ACACB: variants seen among roughly 807,000 people sequenced by gnomAD.
ACACB encodes acetyl-CoA carboxylase 2.
A neutral mutation model predicts 278.8 loss-of-function variants in ACACB; 209 were observed. The observed-to-expected ratio is 0.75, with a 90% CI of 0.67 to 0.84. The LOEUF (loss-of-function observed/expected upper bound fraction) is 0.84, where lower values mean the gene tolerates loss of function less well. ACACB is among the 40% of genes least tolerant of loss of function. The pLI, the probability that ACACB is intolerant of heterozygous loss-of-function variation, is 0.00. For missense variants in ACACB, 2,850 were observed against 3,269.0 expected (o/e 0.87, Z 3.13); for synonymous variants, 1,174 against 1,285.6 (o/e 0.91, Z 1.86).
chr12:109,132,191 G>C (rs2042846594), intron 1 of ACACB, among the ~76,000 whole-genome samples: 1 of 151,336 alleles, frequency 6.6e-6, no homozygotes, highest in Non-Finnish European at 1.5e-5. Flanking sequence ...TTGAGATGGA[G>C]TCTCACTCTG....
At chr12:109,219,393 T>G (rs139504328) in intron 24 of ACACB, among the ~76,000 whole-genome samples, 22 of 152,218 alleles carry the variant, frequency 1.4e-4, no homozygotes, top group African/African-American at 5.3e-4. Flanking sequence ...TAGAATCACC[T>G]AGGGGGTGGG....
At chr12:109,216,762 G>C in intron 23 of ACACB, 34 bp from the exon 24 acceptor site, 1 of 1,614,140 alleles carries the variant, frequency 6.2e-7, no homozygotes, top group Non-Finnish European at 8.5e-7. Flanking sequence ...AGGAGCCTGA[G>C]CTTTACCTCT....
At chr12:109,253,797 C>A (rs146296164) in intron 43 of ACACB, among the ~76,000 whole-genome samples, 110 of 152,302 alleles carry the variant, frequency 7.2e-4, no homozygotes, top group African/African-American at 2.6e-3. Context: ...CTGCCAAGAA[C>A]CCCAAGTCAC....
In ACACB at chr12:109,204,305, G is replaced by A. The variant is rs558202382; in HGVS notation, c.2914-2405G>A. Among the ~76,000 whole-genome samples, 130 of 82,620 alleles carry A rather than the reference G, an allele frequency of 1.6e-3. 1 individual carries two copies. The highest frequency in any genetic ancestry group is 5.8e-3 in the African/African-American group (126 of 21,794). 54.2% of individuals were successfully genotyped at this position (82,620 alleles called of 152,430 possible). ...TTTTTTTTTTTTGAGATGGAGTTTT[G>A]CTCTTGTCGCCCAGGCTGGAGTGCA... On this transcript the variant is annotated intron_variant, in intron 19 of 52. Transcript: ENST00000338432.
At chr12:109,223,485 C>T (rs2046233721) in intron 26 of ACACB, among the ~76,000 whole-genome samples, 2 of 152,204 alleles carry the variant, frequency 1.3e-5, no homozygotes, top group African/African-American at 2.4e-5. Flanking sequence ...TGGCTGGGCA[C>T]GGTGGCTCAT....
In ACACB at chr12:109,166,955, T is replaced by C; in HGVS notation, c.748T>C (p.Phe250Leu). Residue 250 changes from phenylalanine to leucine, a missense_variant, in exon 3 of 53, where the codon TTT becomes CTT. By Grantham distance (22) the Phe-to-Leu change is conservative. Transcript: ENST00000338432. The part of the protein sequence containing the change: ...RDFTVASPAE[F>L]VTRFGGDRVI... ...CTTTACCGTGGCTTCTCCCGCTGAG[T>C]TTGTCACACGCTTTGGGGGGGATCG... 6.2e-7 allele frequency: 1 copy of C among 1,613,658 alleles called. No homozygotes were observed. The highest frequency in any genetic ancestry group is 8.5e-7 in the Non-Finnish European group (1 of 1,179,952).
chr12:109,247,083 C>CA (rs1215289901), intron 39 of ACACB, among the ~76,000 whole-genome samples: 6 of 148,670 alleles, frequency 4.0e-5, no homozygotes, highest in Non-Finnish European at 7.4e-5. Context: ...CCCCCCATCT[C>CA]AAAAAAAAAG....
rs764178693 is a variant in ACACB, at chr12:109,245,765, G to A, written c.5301+17G>A. The A allele has an allele frequency of 1.4e-5, 22 of 1,612,450 alleles. No individual in the cohort carries two copies. The highest frequency in any genetic ancestry group is 1.7e-5 in the Non-Finnish European group (20 of 1,179,532). ...GGAAATGAGGTAATAGCTCAGCGGA[G>A]CCTAACCCCTGGCTGGAGTCACCCC... On this transcript the variant is annotated intron_variant, in intron 38 of 52. Coordinates refer to ENST00000338432, the MANE Select transcript of ACACB (RefSeq NM_001093.4).
chr12:109,194,111 C>A (rs988424128), intron 16 of ACACB, among the ~76,000 whole-genome samples: 2 of 152,288 alleles, frequency 1.3e-5, no homozygotes, highest in Middle Eastern at 3.4e-3. Context: ...GCCTCCCCAG[C>A]TTCTGGTGCT....
intron 1 of ACACB, among the ~76,000 whole-genome samples, chr12:109,134,712 G>T (rs914648371): frequency 2.6e-5 from 4 of 152,196 alleles, no homozygotes; most frequent in Non-Finnish European, 4.4e-5. Flanking sequence ...AGGCAGAGGA[G>T]TTGAGACCAG....
chr12:109,178,290 G>A (rs2044343094), intron 9 of ACACB, among the ~76,000 whole-genome samples: 1 of 152,138 alleles, frequency 6.6e-6, no homozygotes, highest in Non-Finnish European at 1.5e-5. Flanking sequence ...AGAATCTCTA[G>A]AAGACATGCC....
chr12:109,171,330 T>A (rs2044107105), intron 4 of ACACB, among the ~76,000 whole-genome samples: 5 of 151,842 alleles, frequency 3.3e-5, no homozygotes, highest in Admixed American at 3.3e-4. Context: ...AAAATCATAT[T>A]TCATTTTCTT....
At chr12:109,209,111 G>T in intron 20 of ACACB, 54 bp from the exon 21 acceptor site, 2 of 1,520,002 alleles carry the variant, frequency 1.3e-6, no homozygotes, top group Non-Finnish European at 8.9e-7. Flanking sequence ...GTTTGGGGCG[G>T]TGGTGCCCAT....
At chr12:109,255,270 A>G (rs2047196588) in intron 44 of ACACB, among the ~76,000 whole-genome samples, 1 of 152,206 alleles carries the variant, frequency 6.6e-6, no homozygotes, top group South Asian at 2.1e-4. Context: ...TCCCGTCACT[A>G]TATCCCAAAT....
At chr12:109,158,092 A>T (rs1472257656) in intron 2 of ACACB, among the ~76,000 whole-genome samples, 2 of 152,178 alleles carry the variant, frequency 1.3e-5, no homozygotes, top group African/African-American at 4.8e-5. Context: ...GGACCCCGAC[A>T]TCAGAATCTT....
intron 2 of ACACB, among the ~76,000 whole-genome samples, chr12:109,151,104 C>T (rs1414979443): frequency 6.6e-6 from 1 of 151,930 alleles, no homozygotes; most frequent in East Asian, 1.9e-4. Context: ...CCTGCCTCAG[C>T]CTCCCGAGTA....
intron 1 of ACACB, among the ~76,000 whole-genome samples, chr12:109,136,854 T>C (rs1022087542): frequency 2.0e-5 from 3 of 152,224 alleles, no homozygotes; most frequent in African/African-American, 7.2e-5. Flanking sequence ...TTTTATTGTC[T>C]AATTGGTTTG....
In ACACB at chr12:109,265,233, CAG is replaced by C. The variant is rs2047483733; in HGVS notation, c.7067_7068del (p.Gln2356LeufsTer45). The C allele has an allele frequency of 6.2e-7, 1 of 1,613,652 alleles. No homozygotes were observed. Among genetic ancestry groups the C allele is most frequent in the South Asian group, 1.1e-5 (1 of 91,082 alleles). On this transcript the variant is annotated frameshift_variant, in exon 51 of 53. Transcript: ENST00000338432. LOFTEE classifies it high-confidence loss of function. ...CGGGGAGCTGAGTCACGTGCATATC[CAG>C]TCCATGCTGCGTCGCTGGTTCGTGG... ...ASGELSHVHI[Q>X]SMLRRWFVET...
At chr12:109,222,650 G>A in intron 25 of ACACB, 30 bp downstream of exon 25, 1 of 1,588,136 alleles carries the variant, frequency 6.3e-7, no homozygotes, top group Non-Finnish European at 8.6e-7. Flanking sequence ...TCCCCACGAT[G>A]TGCGTTTCCC....
Sources: allele counts gnomAD v4.1 joint callset (sites outside exome capture counted in the v4.1 genomes callset), GRCh38; gene constraint gnomAD v4.1.1; transcripts MANE v1.5; gene names NCBI Gene and HGNC (gene_info 2026-07-23, HGNC 2026-07-21).